Variants in OTOF observed in about 807,000 individuals in gnomAD.
OTOF encodes otoferlin.
Under a neutral mutation model 236.8 loss-of-function variants are expected in OTOF, and 218 were observed. That is an observed-to-expected ratio of 0.92 (90% CI 0.82 to 1.03). The LOEUF (loss-of-function observed/expected upper bound fraction) is 1.03. Among genes scored for constraint, OTOF ranks in the 50% least tolerant of loss-of-function variants. OTOF has a pLI of 0.00. For missense variants in OTOF, 2,590 were observed against 2,694.4 expected, an observed-to-expected ratio of 0.96 and a Z score of 0.86; for synonymous variants, 1,041 against 1,072.5, an observed-to-expected ratio of 0.97 and a Z score of 0.57.
In OTOF at chr2:26,477,057, G is replaced by A. The variant is rs727503357; in HGVS notation, c.2524-14C>T. 3 of 1,526,610 alleles carry A rather than the reference G, an allele frequency of 2.0e-6. No homozygotes were observed. Among genetic ancestry groups the A allele is most frequent in the Non-Finnish European group, 2.7e-6 (3 of 1,122,448 alleles). The allele number at this position is 1,526,610 out of a possible 1,614,324, so 94.6% of individuals were successfully genotyped here. A position where few individuals can be genotyped will look rare whatever the true frequency, so the allele number is the denominator to read the frequency against. ...GCTGTGCTGGGGCTGGGGGTTGGGG[G>A]GTGGCCAGGGGCAGTGGGTAAGGGG... On this transcript the variant is annotated splice_polypyrimidine_tract_variant and intron_variant, in intron 21 of 46. Coordinates refer to ENST00000272371, the MANE Select transcript of OTOF (RefSeq NM_194248.3). This position sits in a 1 kb window ranked among gnomAD's most constrained non-coding sequence, Gnocchi z 4.7.
intron 1 of OTOF, among the ~76,000 whole-genome samples, chr2:26,543,163 TTC>T (rs1319283047): frequency 6.6e-6 from 1 of 152,152 alleles, no homozygotes; most frequent in African/African-American, 2.4e-5. Context: ...CTGCTGTATT[TTC>T]TCTCTCCCCA....
intron 22 of OTOF, 55 bp downstream of exon 22, chr2:26,476,836 G>T (rs1445790116): frequency 1.3e-6 from 2 of 1,532,862 alleles, no homozygotes; most frequent in Non-Finnish European, 1.8e-6. Flanking sequence ...CCAGGTGGGG[G>T]CTGCTGCTCC....
intron 5 of OTOF, among the ~76,000 whole-genome samples, chr2:26,513,267 T>C (rs1291615818): frequency 6.6e-6 from 1 of 152,160 alleles, no homozygotes; most frequent in Non-Finnish European, 1.5e-5. Flanking sequence ...ACACTGCCCC[T>C]GCTTAGAACC....
Position 26,558,549 on chromosome 2 carries a change from T to G in OTOF, c.23A>C (p.Lys8Thr). Residue 8 changes from lysine to threonine, a missense_variant, in exon 1 of 47, where the codon AAG becomes ACG. By Grantham distance (78) the Lys-to-Thr change is moderately conservative. Transcript: ENST00000272371. MALLIHL[K>T]TVSELRGRGD... ...CCTGCCCCGCAGCTCCGAGACTGTC[T>G]TGAGGTGGATGAGCAAGGCCATGCT... The G allele has an allele frequency of 6.2e-7, 1 of 1,613,918 alleles. No homozygotes were observed. Among genetic ancestry groups the G allele is most frequent in the Admixed American group, 1.7e-5 (1 of 60,026 alleles).
chr2:26,556,790 G>A (rs1159275611), intron 1 of OTOF, among the ~76,000 whole-genome samples: 3 of 152,174 alleles, frequency 2.0e-5, no homozygotes, highest in Non-Finnish European at 4.4e-5. Context: ...CGGCCTGCAA[G>A]TGGGCCTGTC....
intron 2 of OTOF, among the ~76,000 whole-genome samples, chr2:26,536,339 G>T (rs1373437749): frequency 6.6e-6 from 1 of 152,196 alleles, no homozygotes; most frequent in East Asian, 1.9e-4. Context: ...CCAGGAGGGG[G>T]AGAAGGTAAG....
At chr2:26,468,754 G>T (rs549971107) in intron 32 of OTOF, among the ~76,000 whole-genome samples, 1 of 152,276 alleles carries the variant, frequency 6.6e-6, no homozygotes, top group South Asian at 2.1e-4. Flanking sequence ...CCTTTGCAGG[G>T]ACATGGATGA....
chr2:26,528,723 T>C (rs775585745), intron 2 of OTOF, among the ~76,000 whole-genome samples: 8 of 152,216 alleles, frequency 5.3e-5, no homozygotes, highest in Non-Finnish European at 1.0e-4. Context: ...TTCCTAGGGC[T>C]TCCTCAAAGG....
intron 11 of OTOF, 51 bp downstream of exon 11, chr2:26,489,160 G>A (rs1250365691): frequency 4.5e-6 from 6 of 1,333,810 alleles, no homozygotes; most frequent in Non-Finnish European, 6.3e-6. Context: ...CGTGCACCAC[G>A]CTCCCTGAGC....
intron 8 of OTOF, 87 bp downstream of exon 8, chr2:26,501,667 C>A: frequency 1.1e-6 from 1 of 929,218 alleles, no homozygotes. Context: ...GGATCCATGC[C>A]TCAGTATAGT....
At chr2:26,510,005 C>T (rs1241114694) in intron 5 of OTOF, among the ~76,000 whole-genome samples, 1 of 152,158 alleles carries the variant, frequency 6.6e-6, no homozygotes, top group Non-Finnish European at 1.5e-5. Flanking sequence ...TAGAGTCCTC[C>T]AGATGTCAGT....
At chr2:26,509,146 G>A (rs1666320700) in intron 5 of OTOF, among the ~76,000 whole-genome samples, 1 of 152,168 alleles carries the variant, frequency 6.6e-6, no homozygotes, top group South Asian at 2.1e-4. Context: ...CATCAAGAAG[G>A]GCCTTAGAGC....
chr2:26,487,549 T>C (rs1057154100), intron 11 of OTOF, among the ~76,000 whole-genome samples: 1 of 152,212 alleles, frequency 6.6e-6, no homozygotes, highest in Non-Finnish European at 1.5e-5. Flanking sequence ...GGGTGAGGCC[T>C]GCTGGGACAG....
At chr2:26,476,390 C>G (rs1004766039) in intron 22 of OTOF, 73 bp from the exon 23 acceptor site, 3 of 1,419,298 alleles carry the variant, frequency 2.1e-6, no homozygotes, top group Non-Finnish European at 1.9e-6. Flanking sequence ...GGGCAGGGGC[C>G]GGCAGAGGCC....
chr2:26,459,397 A>G (rs1364559585), intron 46 of OTOF, among the ~76,000 whole-genome samples: 1 of 152,036 alleles, frequency 6.6e-6, no homozygotes, highest in Non-Finnish European at 1.5e-5. Context: ...CTAAAAATAC[A>G]AAAAATTATC....
chr2:26,459,576 A>T (rs1430917639), intron 46 of OTOF, among the ~76,000 whole-genome samples: 1 of 148,112 alleles, frequency 6.8e-6, no homozygotes, highest in Non-Finnish European at 1.5e-5. Flanking sequence ...AAAAAAAAAA[A>T]TTGGGTTACA....
Position 26,473,100 on chromosome 2 carries a change from C to G in OTOF, c.3733+32G>C. The G allele has an allele frequency of 6.2e-7, 1 of 1,603,004 alleles. No homozygotes were observed. The highest frequency in any genetic ancestry group is 1.1e-5 in the South Asian group (1 of 90,696). On this transcript the variant is annotated intron_variant, in intron 29 of 46. Coordinates refer to ENST00000272371, the MANE Select transcript of OTOF (RefSeq NM_194248.3). The surrounding 1 kb of genome is among the most constrained non-coding windows in gnomAD (Gnocchi z 7.2). ...AGCCCTTCCCTGGGGGGCGTGGAGC[C>G]AGGCTTGGTGGCAGGGTGGATGTGG...
intron 1 of OTOF, among the ~76,000 whole-genome samples, chr2:26,545,674 A>C (rs182892233): frequency 4.0e-4 from 61 of 152,308 alleles, no homozygotes; most frequent in Admixed American, 1.1e-3. Context: ...GAAGCTTATA[A>C]GTTTTTAATG....
chr2:26,503,081 G>T (rs1266843186), intron 6 of OTOF, among the ~76,000 whole-genome samples: 2 of 152,242 alleles, frequency 1.3e-5, no homozygotes, highest in Admixed American at 6.5e-5. Flanking sequence ...GGGGGCAAGA[G>T]GGTGGGGGAG....
Sources: allele counts gnomAD v4.1 joint callset (sites outside exome capture counted in the v4.1 genomes callset), GRCh38; gene constraint gnomAD v4.1.1; non-coding constraint Gnocchi (gnomAD v3.1); transcripts MANE v1.5; gene names NCBI Gene and HGNC (gene_info 2026-07-23, HGNC 2026-07-21).